Variants in RGP1 observed in about 807,000 individuals in gnomAD.
RGP1 encodes RAB6A-GEF complex partner protein 2.
Under a neutral mutation model 44.5 loss-of-function variants are expected in RGP1, and 28 were observed. The observed-to-expected ratio is 0.63, with a 90% CI of 0.47 to 0.86. The LOEUF (loss-of-function observed/expected upper bound fraction) is 0.86. Among genes scored for constraint, RGP1 ranks in the 40% least tolerant of loss-of-function variants. The pLI, the probability that RGP1 is intolerant of heterozygous loss-of-function variation, is 0.00. For synonymous variants in RGP1, 212 were observed against 196.7 expected (o/e 1.08, Z -0.65); for missense variants, 417 against 490.7 (o/e 0.85, Z 1.42).
the RGP1 span, among the ~76,000 whole-genome samples, chr9:35,766,147 TAAAAAAA>T: frequency 3.2e-5 from 4 of 125,118 alleles, no homozygotes; most frequent in Non-Finnish European, 6.7e-5. Flanking sequence ...GTCAGTTTCT[TAAAAAAA>T]AAAAAAAAAA....
Position 35,752,613 on chromosome 9 carries a change from G to A in RGP1, c.953-38G>A, listed in dbSNP as rs190776142. On this transcript the variant is annotated intron_variant, in intron 8 of 8. Transcript: ENST00000378078. ...CTGTCATTGGCTTTTACTCCTGCTA[G>A]CTTCTGATGCTTCTACCTTAATCTT... 1.8e-4 allele frequency: 276 copies of A among 1,507,812 alleles called. 1 individual carries two copies. The highest frequency in any genetic ancestry group is 8.5e-4 in the Middle Eastern group (5 of 5,888). 93.4% of individuals were successfully genotyped at this position (1,507,812 alleles called of 1,614,324 possible).
At chr9:35,773,091 A>T in the RGP1 span, among the ~76,000 whole-genome samples, 1 of 152,092 alleles carries the variant, frequency 6.6e-6, no homozygotes, top group Non-Finnish European at 1.5e-5. Flanking sequence ...AGTAATACAT[A>T]ATTATTGAAA....
chr9:35,763,633 G>A, the RGP1 span, among the ~76,000 whole-genome samples: 4 of 152,142 alleles, frequency 2.6e-5, no homozygotes, highest in African/African-American at 9.7e-5. Flanking sequence ...TGTAATCCCA[G>A]CACTTTGAGA....
chr9:35,782,601 G>A, the RGP1 span, among the ~76,000 whole-genome samples: 1 of 150,826 alleles, frequency 6.6e-6, no homozygotes, highest in Non-Finnish European at 1.5e-5. Context: ...GCGTGCCATC[G>A]CGCCTGGCTA....
chr9:35,776,323 G>A, the RGP1 span, among the ~76,000 whole-genome samples: 1 of 150,544 alleles, frequency 6.6e-6, no homozygotes, highest in Non-Finnish European at 1.5e-5. Flanking sequence ...GTCTTGCTGT[G>A]TCATCCAGGC....
At chr9:35,767,057 ATCT>A in the RGP1 span, among the ~76,000 whole-genome samples, 2 of 152,126 alleles carry the variant, frequency 1.3e-5, no homozygotes, top group African/African-American at 4.8e-5. Context: ...ATTGTTGGTA[ATCT>A]TCTTAATATT....
chr9:35,756,107 A>G lies in RGP1; in HGVS notation c.*3233A>G, dbSNP rs765697758. On this transcript the variant is annotated 3_prime_UTR_variant, in exon 9 of 9. Transcript: ENST00000378078. Reference sequence around the variant, plus strand: ...CTTTCTCACCACTCTCCTGCTAGCCATCTCTTTGGCACTAAAGGCCCTGGT... The same window carrying G: ...CTTTCTCACCACTCTCCTGCTAGCCGTCTCTTTGGCACTAAAGGCCCTGGT... The G allele has an allele frequency of 1.2e-4, 19 of 152,122 alleles. No individual in the cohort carries two copies. The highest frequency in any genetic ancestry group is 2.6e-4 in the Non-Finnish European group (18 of 68,046). 9.4% of individuals were successfully genotyped at this position (152,122 alleles called of 1,614,324 possible).
chr9:35,772,533 G>C, the RGP1 span, among the ~76,000 whole-genome samples: 1 of 151,942 alleles, frequency 6.6e-6, no homozygotes, highest in Non-Finnish European at 1.5e-5. Context: ...GTGGCTCACG[G>C]CTGTAATCCC....
At position 35,753,164 on chromosome 9, in the gene RGP1, G is replaced by A. The variant is rs1391176952; in HGVS notation, c.*290G>A. 2 of 1,614,214 alleles carry A rather than the reference G, an allele frequency of 1.2e-6. No individual in the cohort carries two copies. The highest frequency in any genetic ancestry group is 3.3e-5 in the Admixed American group (2 of 60,024). On this transcript the variant is annotated 3_prime_UTR_variant, in exon 9 of 9. Transcript: ENST00000378078. The surrounding 1 kb of genome is among the most constrained non-coding windows in gnomAD (Gnocchi z 4.2). ...GTTGGCTGAGCCCCATTCTGGGTCAGGCCCTCCCCCTTTGCAGGGCAGCCG... is the reference window on the plus strand; with the variant it reads ...GTTGGCTGAGCCCCATTCTGGGTCAAGCCCTCCCCCTTTGCAGGGCAGCCG...
rs547981917 is a variant in RGP1, at chr9:35,751,868, G to C, written c.763-88G>C. ...GAAGGGGATAGTGGGGTCATCCAGG[G>C]TCCCTTTGTAAAACAGCTTGAGGTT... is the stretch of plus-strand genomic sequence containing the variant. On this transcript the variant is annotated intron_variant, in intron 7 of 8. Coordinates refer to ENST00000378078, the MANE Select transcript of RGP1 (RefSeq NM_001080496.3). 5 of 1,567,570 alleles carry C rather than the reference G, an allele frequency of 3.2e-6. No individual in the cohort carries two copies. The Admixed American group carries it at 8.9e-5, about 28-fold the overall frequency.
At chr9:35,750,538 A>C in intron 3 of RGP1, 120 bp from the exon 4 acceptor site, 1 of 1,306,168 alleles carries the variant, frequency 7.7e-7, no homozygotes, top group Non-Finnish European at 1.1e-6. Context: ...GTAGAAGACT[A>C]TTCCCATTTC....
In RGP1 at chr9:35,749,841, C is replaced by A. The variant is rs550597716; in HGVS notation, c.86C>A (p.Pro29His). The A allele has an allele frequency of 5.0e-6, 8 of 1,613,466 alleles. No individual in the cohort carries two copies. In the East Asian group the frequency reaches 1.3e-4, roughly 27 times the overall value. Residue 29 changes from proline to histidine, a missense_variant, in exon 2 of 9, where the codon CCC (proline) becomes CAC (histidine). Coordinates refer to ENST00000378078, the MANE Select transcript of RGP1 (RefSeq NM_001080496.3). The surrounding 1 kb of genome is among the most constrained non-coding windows in gnomAD (Gnocchi z 4.4). Reference sequence around the variant, plus strand: ...GAGTGTGTAGTGACCGTCACCAACCCCCTTCCGCCCACGGCCACTTCTGCA... The same window carrying A: ...GAGTGTGTAGTGACCGTCACCAACCACCTTCCGCCCACGGCCACTTCTGCA... ...ALECVVTVTN[P>H]LPPTATSASS...
At chr9:35,774,841 G>T in the RGP1 span, among the ~76,000 whole-genome samples, 2 of 152,024 alleles carry the variant, frequency 1.3e-5, no homozygotes, top group Admixed American at 1.3e-4. Context: ...AGTGTTTTTG[G>T]TTTTTATACA....
At chr9:35,760,720 A>C (rs1295386849), downstream of RGP1, among the ~76,000 whole-genome samples, 1 of 150,946 alleles carries the variant, frequency 6.6e-6, no homozygotes, top group East Asian at 1.9e-4. Flanking sequence ...CTACCTTCCC[A>C]CCCCCAACCA....
chr9:35,772,782 C>T, the RGP1 span, among the ~76,000 whole-genome samples: 21 of 136,524 alleles, frequency 1.5e-4, no homozygotes, highest in South Asian at 6.8e-4. Context: ...CAGAGCGAGA[C>T]TCTGTCTCAA....
the RGP1 span, among the ~76,000 whole-genome samples, chr9:35,772,647 C>T: frequency 5.9e-5 from 9 of 152,078 alleles, no homozygotes; most frequent in South Asian, 6.2e-4. Flanking sequence ...AAAAATTAGC[C>T]GGGCGTGGTG....
rs1180208585 is a variant in RGP1, at chr9:35,756,962, T to G, written c.*4088T>G. On this transcript the variant is annotated 3_prime_UTR_variant, in exon 9 of 9. Coordinates refer to ENST00000378078, the MANE Select transcript of RGP1 (RefSeq NM_001080496.3). Reference sequence around the variant, plus strand: ...TGCAGAGGTGTGGGTCGAGCCCGCATGCGTGCCTGCTGGGGAGGGGGTGAG... The same window carrying G: ...TGCAGAGGTGTGGGTCGAGCCCGCAGGCGTGCCTGCTGGGGAGGGGGTGAG... 1 of 152,346 alleles carries G rather than the reference T, an allele frequency of 6.6e-6. No individual in the cohort carries two copies. Among genetic ancestry groups the G allele is most frequent in the African/African-American group, 2.4e-5 (1 of 41,402 alleles). The allele number at this position is 152,346 out of a possible 1,614,324, so 9.4% of individuals were successfully genotyped here. A position where few individuals can be genotyped will look rare whatever the true frequency, so the allele number is the denominator to read the frequency against.
chr9:35,761,920 G>A (rs756047197), downstream of RGP1, among the ~76,000 whole-genome samples: 3 of 152,122 alleles, frequency 2.0e-5, no homozygotes, highest in Non-Finnish European at 2.9e-5. Context: ...TTGGGAGGCC[G>A]AGGCAGGCAG....
At chr9:35,780,094 G>A in the RGP1 span, among the ~76,000 whole-genome samples, 15 of 152,212 alleles carry the variant, frequency 9.9e-5, no homozygotes, top group Admixed American at 8.5e-4. Context: ...TCAGCAAACA[G>A]TGGTTTGTGA....
Sources: gnomAD v4.1 joint callset for allele counts (sites outside exome capture counted in the v4.1 genomes callset) on GRCh38, gnomAD v4.1.1 for gene constraint, Gnocchi (gnomAD v3.1) non-coding constraint, MANE v1.5 for transcripts, NCBI Gene and HGNC (gene_info 2026-07-23, HGNC 2026-07-21) for gene names.